The following COL27A1 variants were observed in gnomAD, a reference collection of about 807,000 sequenced individuals.
The protein encoded by COL27A1 is collagen type XXVII alpha 1 chain, also known as collagen alpha-1(XXVII) chain.
COL27A1 carries 106 observed loss-of-function variants against 251.3 expected under a neutral mutation model. The observed-to-expected ratio is 0.42, with a 90% CI of 0.36 to 0.50. The LOEUF (loss-of-function observed/expected upper bound fraction) is 0.50, where lower values mean the gene tolerates loss of function less well. Among genes scored for constraint, COL27A1 ranks in the 20% least tolerant of loss-of-function variants. The pLI, the probability that COL27A1 is intolerant of heterozygous loss-of-function variation, is 0.00. For missense variants in COL27A1, 2,325 were observed against 2,522.8 expected (o/e 0.92, Z 1.68); for synonymous variants, 1,000 against 986.3 (o/e 1.01, Z -0.26).
At chr9:114,244,600 C>G (rs1832985618) in intron 23 of COL27A1, among the ~76,000 whole-genome samples, 1 of 152,210 alleles carries the variant, frequency 6.6e-6, no homozygotes, top group Admixed American at 6.5e-5. Flanking sequence ...ATCCATATCT[C>G]CCTCCCTTCT....
chr9:114,247,872 G>A (rs1442605749), intron 24 of COL27A1, among the ~76,000 whole-genome samples: 1 of 152,178 alleles, frequency 6.6e-6, no homozygotes, highest in African/African-American at 2.4e-5. Context: ...CTGGGTCGGT[G>A]CAAAAGTAAT....
At chr9:114,218,371 G>A (rs1180218351) in intron 12 of COL27A1, 3 of 156,768 alleles carry the variant, frequency 1.9e-5, no homozygotes, top group Admixed American at 1.8e-4. Flanking sequence ...ACGCGTTTGA[G>A]CAGCTTCTAC....
At chr9:114,281,737 A>C (rs1315119697) in intron 37 of COL27A1, among the ~76,000 whole-genome samples, 1 of 152,218 alleles carries the variant, frequency 6.6e-6, no homozygotes, top group Non-Finnish European at 1.5e-5. Flanking sequence ...AGCCCTGGGC[A>C]TGGAGCCAGA....
chr9:114,159,154 C>T (rs1053231380), intron 1 of COL27A1, among the ~76,000 whole-genome samples: 6 of 152,236 alleles, frequency 3.9e-5, no homozygotes, highest in African/African-American at 1.2e-4. Flanking sequence ...AATAGGCCTT[C>T]AGGGCTGAAG....
intron 27 of COL27A1, among the ~76,000 whole-genome samples, chr9:114,257,394 G>A (rs918264685): frequency 6.6e-6 from 1 of 151,948 alleles, no homozygotes; most frequent in Non-Finnish European, 1.5e-5. Flanking sequence ...AGGCAGAGGG[G>A]TGGCCTGCTT....
At position 114,312,432 on chromosome 9, in the gene COL27A1, T is replaced by C. The variant is rs897177065; in HGVS notation, c.*1737T>C. 1 of 152,172 alleles carries C rather than the reference T, an allele frequency of 6.6e-6. No individual in the cohort carries two copies. The highest frequency in any genetic ancestry group is 2.4e-5 in the African/African-American group (1 of 41,434). 9.4% of individuals were successfully genotyped at this position (152,172 alleles called of 1,614,324 possible). On this transcript the variant is annotated 3_prime_UTR_variant, in exon 61 of 61. Transcript: ENST00000356083. ...GTTTACGTCTCTGTCCACATGTCAG[T>C]GTATTAAAACCCCAATGGGTTCCGT... is the stretch of plus-strand genomic sequence containing the variant.
At chr9:114,243,986 T>C (rs1832944809) in intron 23 of COL27A1, among the ~76,000 whole-genome samples, 1 of 148,016 alleles carries the variant, frequency 6.8e-6, no homozygotes, top group Admixed American at 6.9e-5. Context: ...AGTGCAGTGG[T>C]GCAATCTCAG....
intron 37 of COL27A1, among the ~76,000 whole-genome samples, chr9:114,276,146 G>T (rs1158728063): frequency 1.3e-5 from 2 of 152,150 alleles, no homozygotes; most frequent in African/African-American, 4.8e-5. Flanking sequence ...CCTGTCACCT[G>T]CTTAAGTTCT....
chr9:114,234,293 AAAGT>A (rs1352067143), intron 16 of COL27A1, among the ~76,000 whole-genome samples: 1 of 151,358 alleles, frequency 6.6e-6, no homozygotes, highest in Non-Finnish European at 1.5e-5. Context: ...TGGAAAAACC[AAAGT>A]AAGTTGAAAA....
chr9:114,259,056 A>G (rs1282626995), intron 28 of COL27A1, among the ~76,000 whole-genome samples: 2 of 152,224 alleles, frequency 1.3e-5, no homozygotes, highest in Non-Finnish European at 2.9e-5. Flanking sequence ...AGCAGCCTGG[A>G]AGCCCAGAGG....
chr9:114,290,856 G>C lies in COL27A1; in HGVS notation c.4415G>C (p.Gly1472Ala). The change falls in exon 48 of 61, where the codon GGG becomes GCG. Residue 1472 changes from glycine to alanine, a missense_variant. Coordinates refer to ENST00000356083, the MANE Select transcript of COL27A1 (RefSeq NM_032888.4). The surrounding 1 kb of genome is among the most constrained non-coding windows in gnomAD (Gnocchi z 4.6). ...GACCCTGGCCCCATGGGCCCTGCTGGGAAGAGAGGAAATCCAGGTGTGGCC... is the reference window on the plus strand; with the variant it reads ...GACCCTGGCCCCATGGGCCCTGCTGCGAAGAGAGGAAATCCAGGTGTGGCC... ...DGDPGPMGPA[G>A]KRGNPGVAGL... 1 of 1,551,838 alleles carries C rather than the reference G, an allele frequency of 6.4e-7. No homozygotes were observed. Among genetic ancestry groups the C allele is most frequent in the East Asian group, 2.4e-5 (1 of 41,080 alleles).
At position 114,292,104 on chromosome 9, in the gene COL27A1, G is replaced by T. The variant is rs1480756575; in HGVS notation, c.4478G>T (p.Gly1493Val). 6.4e-7 allele frequency: 1 copy of T among 1,555,468 alleles called. No homozygotes were observed. The highest frequency in any genetic ancestry group is 8.7e-7 in the Non-Finnish European group (1 of 1,149,174). ...TAATTTTTTGTGTGTTTCTTTAAGG[G>T]TGAGAGTGGGTTACCCGGACAGCTG... ...PGAQGPPGFKGESGLPGQLGP... is the reference protein window; with the variant it reads ...PGAQGPPGFKVESGLPGQLGP... Residue 1493 changes from glycine (G) to valine (V), a missense_variant and splice_region_variant, in exon 49 of 61, where the codon GGT (glycine) becomes GTT (valine). Physicochemically the swap from Gly to Val is moderately radical, Grantham distance 109. This residue lies in a region of COL27A1 where 153 missense variants were observed against 140.7 expected (regional missense o/e 1.09). Coordinates refer to ENST00000356083, the MANE Select transcript of COL27A1 (RefSeq NM_032888.4).
intron 33 of COL27A1, 101 bp from the exon 34 acceptor site, chr9:114,267,403 C>A: frequency 1.0e-6 from 1 of 959,606 alleles, no homozygotes; most frequent in Non-Finnish European, 1.6e-6. Flanking sequence ...CACTGTGTGA[C>A]CCTGGGTGTT....
At chr9:114,248,951 C>A (rs1183110730) in intron 24 of COL27A1, among the ~76,000 whole-genome samples, 1 of 152,186 alleles carries the variant, frequency 6.6e-6, no homozygotes, top group Admixed American at 6.5e-5. Context: ...TACCCCTGTG[C>A]CCTTGTAAAA....
intron 3 of COL27A1, among the ~76,000 whole-genome samples, chr9:114,176,553 C>T (rs1233554628): frequency 2.6e-5 from 4 of 151,910 alleles, no homozygotes; most frequent in Non-Finnish European, 5.9e-5. Context: ...GGGGGGGTGC[C>T]CTATGTGAAC....
At chr9:114,295,126 AATTGCAT>A (rs1436766018) in intron 49 of COL27A1, among the ~76,000 whole-genome samples, 2 of 152,278 alleles carry the variant, frequency 1.3e-5, no homozygotes, top group African/African-American at 4.8e-5. Context: ...TGCACAAATG[AATTGCAT>A]TTCTATACAC....
rs766570291 is a variant in COL27A1 at position 114,289,290 on chromosome 9, G to T, written c.4201G>T (p.Ala1401Ser). The change falls in exon 45 of 61, where the codon GCA (alanine) becomes TCA (serine). Residue 1401 changes from alanine to serine, a missense_variant. Transcript: ENST00000356083. ...GCCGGGACCCAAAGGATCGAAAGGCGCAGAGGTAAGAGGGCCGGGGGTTCA... is the reference window on the plus strand; with the variant it reads ...GCCGGGACCCAAAGGATCGAAAGGCTCAGAGGTAAGAGGGCCGGGGGTTCA... ...GWPGPKGSKG[A>S]EGPKGKQGKA... 6.3e-7 allele frequency: 1 copy of T among 1,588,794 alleles called. No homozygotes were observed. The highest frequency in any genetic ancestry group is 8.5e-7 in the Non-Finnish European group (1 of 1,170,242).
intron 60 of COL27A1, 69 bp from the exon 61 acceptor site, chr9:114,310,480 G>C: frequency 2.6e-6 from 4 of 1,563,944 alleles, no homozygotes; most frequent in Non-Finnish European, 3.5e-6. Context: ...AAGATGGAAG[G>C]GAAAATGCTC....
chr9:114,183,172 G>A (rs768186472), intron 5 of COL27A1, 97 bp downstream of exon 5: 333 of 1,201,164 alleles, frequency 2.8e-4, no homozygotes, highest in Non-Finnish European at 3.9e-5. Flanking sequence ...GGGCTTCAGG[G>A]GAACTGAGGG....
Sources: gnomAD v4.1 joint callset for allele counts (sites outside exome capture counted in the v4.1 genomes callset) on GRCh38, gnomAD v4.1.1 for gene constraint, gnomAD v4.1.1 regional missense constraint, Gnocchi (gnomAD v3.1) non-coding constraint, MANE v1.5 for transcripts, NCBI Gene and HGNC (gene_info 2026-07-23, HGNC 2026-07-21) for gene names.